Variants in DMXL2 observed in about 807,000 individuals in gnomAD.
DMXL2 encodes dmX-like protein 2.
DMXL2 carries 103 observed loss-of-function variants against 331.1 expected under a neutral mutation model. The observed-to-expected ratio is 0.31, with a 90% CI of 0.27 to 0.37. DMXL2 has a LOEUF of 0.37. Ranked by LOEUF, DMXL2 falls within the 10% of genes least tolerant of loss-of-function variation. DMXL2 has a pLI of 1.00. For synonymous variants in DMXL2, 1,281 were observed against 1,252.1 expected (o/e 1.02, Z -0.49); for missense variants, 3,171 against 3,642.9 (o/e 0.87, Z 3.33).
Position 51,459,594 on chromosome 15 carries a change from C to A in DMXL2, c.7989+4G>T, listed in dbSNP as rs1452750874. ...GAGCTAAATACAAGATCTTGGAATA[C>A]TACCTTGATGTGGCAATCTTCTGCT... On this transcript the variant is annotated splice_donor_region_variant and intron_variant, in intron 34 of 43. Transcript: ENST00000560891. The A allele has an allele frequency of 7.8e-7, 1 of 1,289,672 alleles. No individual in the cohort carries two copies. Among genetic ancestry groups the A allele is most frequent in the Non-Finnish European group, 1.0e-6 (1 of 988,832 alleles). 79.9% of individuals were successfully genotyped at this position (1,289,672 alleles called of 1,614,324 possible). A position where few individuals can be genotyped will look rare whatever the true frequency, so the allele number is the denominator to read the frequency against.
intron 1 of DMXL2, among the ~76,000 whole-genome samples, chr15:51,590,064 G>A (rs1008063171): frequency 1.3e-5 from 2 of 152,182 alleles, no homozygotes; most frequent in African/African-American, 4.8e-5. Context: ...TTCTGAAAGA[G>A]CAGCCCTGGC....
Position 51,622,656 on chromosome 15 carries a change from C to T in DMXL2, c.-111G>A. ...TCTGTGCCTCCCTCGGAAACCCGCCCCGCGGAGGCTCTGGCTTAACTCCTC... is the reference window on the plus strand; with the variant it reads ...TCTGTGCCTCCCTCGGAAACCCGCCTCGCGGAGGCTCTGGCTTAACTCCTC... On this transcript the variant is annotated 5_prime_UTR_variant, in exon 1 of 44. Transcript: ENST00000560891. 6.9e-7 allele frequency: 1 copy of T among 1,449,736 alleles called. No homozygotes were observed. The highest frequency in any genetic ancestry group is 1.4e-5 in the South Asian group (1 of 70,478). The allele number at this position is 1,449,736 out of a possible 1,614,324, so 89.8% of individuals were successfully genotyped here. A position where few individuals can be genotyped will look rare whatever the true frequency, so the allele number is the denominator to read the frequency against.
intron 1 of DMXL2, among the ~76,000 whole-genome samples, chr15:51,619,382 T>G (rs2054487448): frequency 1.3e-5 from 2 of 152,170 alleles, no homozygotes; most frequent in South Asian, 4.1e-4. Context: ...GAAATCACAA[T>G]CGAATGTTTA....
intron 27 of DMXL2, among the ~76,000 whole-genome samples, chr15:51,476,314 A>T (rs984809625): frequency 1.3e-5 from 2 of 152,178 alleles, no homozygotes; most frequent in Non-Finnish European, 2.9e-5. Flanking sequence ...TTTCTAAGAA[A>T]GATAATGTGC....
In DMXL2 at chr15:51,498,594, T is replaced by C. The variant is rs955841833; in HGVS notation, c.4630A>G (p.Thr1544Ala). Residue 1544 changes from threonine to alanine, a missense_variant, in exon 18 of 44, where the codon ACT becomes GCT. Thr to Ala is a moderately conservative substitution (Grantham distance 58, BLOSUM62 0). Coordinates refer to ENST00000560891, the MANE Select transcript of DMXL2 (RefSeq NM_001378457.1). Reference protein sequence around the residue: ...LVALADTVATTSTELDESRDK... With the variant: ...LVALADTVATASTELDESRDK... ...CTGCTTTCATCAAGCTCAGTACTAGTAGTAGCCACTGTATCAGCCAAAGCT... is the reference window on the plus strand; with the variant it reads ...CTGCTTTCATCAAGCTCAGTACTAGCAGTAGCCACTGTATCAGCCAAAGCT... The C allele has an allele frequency of 5.6e-6, 9 of 1,614,110 alleles. No homozygotes were observed. Among genetic ancestry groups the C allele is most frequent in the South Asian group, 2.2e-5 (2 of 91,082 alleles).
chr15:51,586,288 TA>T (rs1380969236), intron 1 of DMXL2, among the ~76,000 whole-genome samples: 1 of 151,892 alleles, frequency 6.6e-6, no homozygotes, highest in African/African-American at 2.4e-5. Flanking sequence ...AATGCAAAAT[TA>T]ACAAAATTTA....
rs2039595083 is a variant in DMXL2 at position 51,456,105 on chromosome 15, T to A, written c.8487A>T (p.Ala2829=). 18 of 1,614,202 alleles carry A rather than the reference T, an allele frequency of 1.1e-5. No individual in the cohort carries two copies. Among genetic ancestry groups the A allele is most frequent in the Non-Finnish European group, 1.4e-5 (17 of 1,180,028 alleles). ...QLVCFRQAGN[A]RVTRLYFNSQ... is the part of the protein sequence containing the mutation. ...AATTAAAATATAATCTAGTAACTCT[T>A]GCATTGCCAGCTTGACGAAAGCAGA... is the stretch of plus-strand genomic sequence containing the variant. Residue 2829 remains alanine (A), a synonymous_variant, in exon 39 of 44, where the codon GCA becomes GCT. Coordinates refer to ENST00000560891, the MANE Select transcript of DMXL2 (RefSeq NM_001378457.1).
Position 51,494,693 on chromosome 15 carries a change from A to G in DMXL2, c.4783+331T>C, listed in dbSNP as rs371813784. ...ACACATCGCAGAGCAAAGTTTACAT[A>G]ATTTTTCAAAGAAAAGACATCAAGA... On this transcript the variant is annotated intron_variant, in intron 19 of 43. Coordinates refer to ENST00000560891, the MANE Select transcript of DMXL2 (RefSeq NM_001378457.1). 1.2e-3 allele frequency among the ~76,000 whole-genome samples: 185 copies of G among 152,220 alleles called. 5 individuals carry two copies. The South Asian group carries it at 0.036, about 30-fold the overall frequency.
chr15:51,465,121 T>C (rs1361829252), intron 31 of DMXL2, among the ~76,000 whole-genome samples: 1 of 152,166 alleles, frequency 6.6e-6, no homozygotes, highest in Non-Finnish European at 1.5e-5. Context: ...TGAAGCCAGG[T>C]GTGGTGGCTC....
intron 2 of DMXL2, 114 bp from the exon 3 acceptor site, chr15:51,568,672 T>C (rs2050454184): frequency 4.3e-6 from 3 of 700,434 alleles, no homozygotes; most frequent in Non-Finnish European, 6.9e-6. Context: ...GTATTCATGG[T>C]TTATTTCCTT....
intron 3 of DMXL2, among the ~76,000 whole-genome samples, chr15:51,566,195 G>A (rs912669617): frequency 3.3e-5 from 5 of 151,806 alleles, no homozygotes; most frequent in African/African-American, 1.2e-4. Context: ...CTGGGTCACA[G>A]AGCAAGACTC....
At chr15:51,530,860 A>G (rs1158556353) in intron 13 of DMXL2, among the ~76,000 whole-genome samples, 1 of 152,186 alleles carries the variant, frequency 6.6e-6, no homozygotes, top group Non-Finnish European at 1.5e-5. Context: ...GAAAACTGTA[A>G]AACACTGATG....
At chr15:51,496,368 A>C (rs555001639) in intron 18 of DMXL2, among the ~76,000 whole-genome samples, 1 of 152,332 alleles carries the variant, frequency 6.6e-6, no homozygotes, top group East Asian at 1.9e-4. Context: ...GTTCTATTTC[A>C]TACAGTGTGG....
intron 19 of DMXL2, 100 bp downstream of exon 19, chr15:51,494,924 A>G: frequency 1.4e-6 from 1 of 716,412 alleles, no homozygotes; most frequent in African/African-American, 1.8e-5. Context: ...ATAGGTGTGC[A>G]CGTAATGACT....
Position 51,449,171 on chromosome 15 carries a change from C to T in DMXL2, c.8990G>A (p.Gly2997Asp). ...TTCACTTTTAAATGAATGAATTAGG[C>T]CATGGCCTGTCAATCTCCAAACCTA... ...NIKVWRLTGH[G>D]LIHSFKSEHA... The change falls in exon 44 of 44, where the codon GGC becomes GAC. Residue 2997 changes from glycine to aspartate, a missense_variant. Coordinates refer to ENST00000560891, the MANE Select transcript of DMXL2 (RefSeq NM_001378457.1). The T allele has an allele frequency of 6.2e-7, 1 of 1,614,116 alleles. No homozygotes were observed. The highest frequency in any genetic ancestry group is 1.1e-5 in the South Asian group (1 of 91,074).
rs1344962619 is a variant in DMXL2 at position 51,455,031 on chromosome 15, T to A, written c.8604+120A>T. 3.8e-6 allele frequency: 3 copies of A among 780,032 alleles called. No individual in the cohort carries two copies. The Admixed American group carries it at 6.1e-5, about 16-fold the overall frequency. The allele number at this position is 780,032 out of a possible 1,614,324, so 48.3% of individuals were successfully genotyped here. Reference sequence around the variant, plus strand: ...GATGGGTGCTGCTGTCAGGCTGGGATTGCTGAAAAAAATCATCCTTTTCCC... The same window carrying A: ...GATGGGTGCTGCTGTCAGGCTGGGAATGCTGAAAAAAATCATCCTTTTCCC... On this transcript the variant is annotated intron_variant, in intron 40 of 43. Coordinates refer to ENST00000560891, the MANE Select transcript of DMXL2 (RefSeq NM_001378457.1).
At position 51,456,090 on chromosome 15, in the gene DMXL2, T is replaced by C. The variant is rs763906772; in HGVS notation, c.8502A>G (p.Leu2834=). Residue 2834 remains leucine (L), a synonymous_variant, in exon 39 of 44, where the codon TTA becomes TTG. Transcript: ENST00000560891. The part of the protein sequence containing the change: ...RQAGNARVTR[L]YFNSQGNKCG... ...CCTTGTTGCCTTGTGAATTAAAATA[T>C]AATCTAGTAACTCTTGCATTGCCAG... 11 of 1,614,100 alleles carry C rather than the reference T, an allele frequency of 6.8e-6. No homozygotes were observed. In the Middle Eastern group the frequency reaches 4.9e-4, roughly 72 times the overall value.
At chr15:51,538,090 C>T (rs1174188326) in intron 10 of DMXL2, 123 bp downstream of exon 10, 10 of 1,254,338 alleles carry the variant, frequency 8.0e-6, no homozygotes, top group Non-Finnish European at 1.1e-5. Context: ...TCAGTAAATA[C>T]TTGTGTAACA....
Position 51,481,287 on chromosome 15 carries a change from G to C in DMXL2, c.5819C>G (p.Ala1940Gly). 6.2e-7 allele frequency: 1 copy of C among 1,614,090 alleles called. No homozygotes were observed. The highest frequency in any genetic ancestry group is 1.1e-5 in the South Asian group (1 of 91,068). The part of the protein sequence containing the change: ...RMDDVPSHSK[A>G]LSDGNGSSGI... ...AGAACTTCCATTGCCATCACTCAGA[G>C]CTTTTGAATGTGAAGGTACATCATC... The change falls in exon 24 of 44, where the codon GCT becomes GGT. Residue 1940 changes from alanine to glycine, a missense_variant. Ala to Gly is a moderately conservative substitution (Grantham distance 60, BLOSUM62 0). This residue lies in a region of DMXL2 where 244 missense variants were observed against 251.4 expected (regional missense o/e 0.97). Coordinates refer to ENST00000560891, the MANE Select transcript of DMXL2 (RefSeq NM_001378457.1).
Sources: allele counts gnomAD v4.1 joint callset (sites outside exome capture counted in the v4.1 genomes callset), GRCh38; gene constraint gnomAD v4.1.1; regional missense constraint gnomAD v4.1.1; transcripts MANE v1.5; gene names NCBI Gene and HGNC (gene_info 2026-07-23, HGNC 2026-07-21).